Variants in SLC25A25 observed in about 807,000 individuals in gnomAD.
SLC25A25 encodes solute carrier family 25 member 25.
SLC25A25 carries 32 observed loss-of-function variants against 57.7 expected under a neutral mutation model. The observed-to-expected ratio is 0.55, with a 90% confidence interval of 0.42 to 0.74. SLC25A25 has a LOEUF of 0.74. SLC25A25 is among the 30% of genes least tolerant of loss of function. SLC25A25 has a pLI of 0.00. For missense variants in SLC25A25, 556 were observed against 701.3 expected, an observed-to-expected ratio of 0.79 and a Z score of 2.34; for synonymous variants, 306 against 291.2, an observed-to-expected ratio of 1.05 and a Z score of -0.52.
At chr9:128,093,140 A>T (rs1833457806) in intron 1 of SLC25A25, among the ~76,000 whole-genome samples, 1 of 152,200 alleles carries the variant, frequency 6.6e-6, no homozygotes, top group South Asian at 2.1e-4. Context: ...GCTACTAGGG[A>T]CTTTTGATGT....
rs71381725 is a variant in SLC25A25, at chr9:128,076,047, T to TTTTTATTTTA, written c.261+7485_261+7494dup. On this transcript the variant is annotated intron_variant, in intron 1 of 10. Coordinates refer to ENST00000373069, the MANE Select transcript of SLC25A25 (RefSeq NM_001330988.2). The stretch of plus-strand genomic sequence containing the variant: ...ACCTAAGCCACTGTACCCAGCCAAC[T>TTTTTATTTTA]TTTTATTTTATTTTATTTTATTTTA... 3.8e-3 allele frequency among the ~76,000 whole-genome samples: 579 copies of TTTTTATTTTA among 151,598 alleles called. 9 individuals are homozygous for TTTTTATTTTA. The highest frequency in any genetic ancestry group is 0.012 in the African/African-American group (515 of 41,274).
chr9:128,101,050 G>A lies in SLC25A25; in HGVS notation c.262-46G>A. 1 of 1,612,034 alleles carries A rather than the reference G, an allele frequency of 6.2e-7. No individual in the cohort carries two copies. On this transcript the variant is annotated intron_variant, in intron 1 of 10. Transcript: ENST00000373069. This position sits in a 1 kb window ranked among gnomAD's most constrained non-coding sequence, Gnocchi z 4.9. ...TGGGGCCCCACAAGGGACAAGGAAA[G>A]GCTGGTCCAGGAGCCAAAAGACAAA... is the stretch of plus-strand genomic sequence containing the variant.
Position 128,073,370 on chromosome 9 carries a change from C to T in SLC25A25, c.261+4790C>T, listed in dbSNP as rs116515816. 9.6e-3 allele frequency among the ~76,000 whole-genome samples: 1,461 copies of T among 152,300 alleles called. 22 individuals are homozygous for T. The highest frequency in any genetic ancestry group is 0.034 in the African/African-American group (1,399 of 41,586). ...CCCTGTCAAAGAACAAGAATCCGCC[C>T]TCCCCCATTTCTCTCCCTGACCCGA... is the stretch of plus-strand genomic sequence containing the variant. On this transcript the variant is annotated intron_variant, in intron 1 of 10. Coordinates refer to ENST00000373069, the MANE Select transcript of SLC25A25 (RefSeq NM_001330988.2).
chr9:128,102,127 T>A lies in SLC25A25; in HGVS notation c.512+12T>A, dbSNP rs978216768. ...GGCCCTGTCACCTAGTAAGTATCCA[T>A]GTCGCTCATGACTGCCTCCCTTGAC... On this transcript the variant is annotated intron_variant, in intron 4 of 10. Coordinates refer to ENST00000373069, the MANE Select transcript of SLC25A25 (RefSeq NM_001330988.2). This position sits in a 1 kb window ranked among gnomAD's most constrained non-coding sequence, Gnocchi z 4.1. The A allele has an allele frequency of 1.3e-6, 2 of 1,550,618 alleles. No homozygotes were observed. The highest frequency in any genetic ancestry group is 2.7e-5 in the African/African-American group (2 of 73,176).
chr9:128,085,016 C>T (rs1833244696), intron 1 of SLC25A25, among the ~76,000 whole-genome samples: 1 of 152,178 alleles, frequency 6.6e-6, no homozygotes, highest in Admixed American at 6.5e-5. Flanking sequence ...AAATCAAAGA[C>T]GCAAGAAAAA....
chr9:128,086,659 A>G (rs1833283142), intron 1 of SLC25A25, among the ~76,000 whole-genome samples: 1 of 151,450 alleles, frequency 6.6e-6, no homozygotes, highest in South Asian at 2.1e-4. Context: ...TATATTTTCT[A>G]GAGACAGGGT....
chr9:128,100,433 G>A (rs1045600010), intron 1 of SLC25A25, among the ~76,000 whole-genome samples: 3 of 152,136 alleles, frequency 2.0e-5, no homozygotes, highest in African/African-American at 7.2e-5. Flanking sequence ...GTGAGTGAGC[G>A]GGAGAGCCAG....
At chr9:128,106,845 G>A (rs1834060703) in intron 9 of SLC25A25, among the ~76,000 whole-genome samples, 184 bp from the exon 10 acceptor site, 1 of 152,136 alleles carries the variant, frequency 6.6e-6, no homozygotes, top group African/African-American at 2.4e-5. Context: ...GGAAGGAGGT[G>A]TTCCCTCTAC....
rs746317417 is a variant in SLC25A25, at chr9:128,107,475, C to G, written c.*31C>G. 6.6e-7 allele frequency: 1 copy of G among 1,504,652 alleles called. No homozygotes were observed. Among genetic ancestry groups the G allele is most frequent in the South Asian group, 1.4e-5 (1 of 73,300 alleles). The allele number at this position is 1,504,652 out of a possible 1,614,324, so 93.2% of individuals were successfully genotyped here. A position where few individuals can be genotyped will look rare whatever the true frequency, so the allele number is the denominator to read the frequency against. On this transcript the variant is annotated 3_prime_UTR_variant, in exon 11 of 11. Coordinates refer to ENST00000373069, the MANE Select transcript of SLC25A25 (RefSeq NM_001330988.2). ...GGAGGGCCGCCCGGCAGTGGACTCG[C>G]TGATCCTGGGCCGCAGCCTGGGGTG...
chr9:128,077,023 C>T (rs1833030736), intron 1 of SLC25A25, among the ~76,000 whole-genome samples: 1 of 152,096 alleles, frequency 6.6e-6, no homozygotes, highest in African/African-American at 2.4e-5. Flanking sequence ...CCATGTGTAC[C>T]TTCAGGAGCA....
At chr9:128,107,202 C>T (rs1182687928) in intron 10 of SLC25A25, 23 bp downstream of exon 10, 1 of 1,613,280 alleles carries the variant, frequency 6.2e-7, no homozygotes, top group Non-Finnish European at 8.5e-7. Flanking sequence ...CTGGACAGTC[C>T]CCTGGGAGGT....
At chr9:128,078,734 AC>A (rs1833074006) in intron 1 of SLC25A25, among the ~76,000 whole-genome samples, 1 of 152,124 alleles carries the variant, frequency 6.6e-6, no homozygotes, top group South Asian at 2.1e-4. Context: ...TATCTCACTA[AC>A]CAGCATTACT....
chr9:128,097,192 A>C (rs1420265989), intron 1 of SLC25A25, among the ~76,000 whole-genome samples: 1 of 152,224 alleles, frequency 6.6e-6, no homozygotes, highest in African/African-American at 2.4e-5. Context: ...TAGAAGGAAC[A>C]AGGGTGAGAC....
rs370271137 is a variant in SLC25A25 at position 128,107,461 on chromosome 9, C to T, written c.*17C>T. 571 of 1,503,800 alleles carry T rather than the reference C, an allele frequency of 3.8e-4. 2 individuals are homozygous for T. The highest frequency in any genetic ancestry group is 5.7e-4 in the South Asian group (42 of 73,202). 93.2% of individuals were successfully genotyped at this position (1,503,800 alleles called of 1,614,324 possible). A position where few individuals can be genotyped will look rare whatever the true frequency, so the allele number is the denominator to read the frequency against. On this transcript the variant is annotated 3_prime_UTR_variant, in exon 11 of 11. Coordinates refer to ENST00000373069, the MANE Select transcript of SLC25A25 (RefSeq NM_001330988.2). ...TCGCGGTGACGGGGGGAGGGCCGCC[C>T]GGCAGTGGACTCGCTGATCCTGGGC...
chr9:128,106,623 A>G, intron 9 of SLC25A25, 103 bp downstream of exon 9: 1 of 1,365,592 alleles, frequency 7.3e-7, no homozygotes, highest in Non-Finnish European at 9.9e-7. Context: ...AACTGCATCA[A>G]AGACTGCGCC....
At chr9:128,105,703 TCTGA>T in intron 6 of SLC25A25, 22 bp from the exon 7 acceptor site, 2 of 1,611,734 alleles carry the variant, frequency 1.2e-6, no homozygotes, top group Non-Finnish European at 1.7e-6. Context: ...CCCGGGTCCG[TCTGA>T]CTGTTCGGTC....
rs981120950 is a variant in SLC25A25, at chr9:128,108,470, C to T, written c.*1026C>T. 1.3e-5 allele frequency: 5 copies of T among 391,184 alleles called. No homozygotes were observed. Among genetic ancestry groups the T allele is most frequent in the South Asian group, 2.9e-4 (2 of 6,958 alleles). 24.2% of individuals were successfully genotyped at this position (391,184 alleles called of 1,614,324 possible). ...CTGTCCAACCCCAGCAGGGGCGCAGCGGGACCAGCCCCACATTCCACTTGT... is the reference window on the plus strand; with the variant it reads ...CTGTCCAACCCCAGCAGGGGCGCAGTGGGACCAGCCCCACATTCCACTTGT... On this transcript the variant is annotated 3_prime_UTR_variant, in exon 11 of 11. Transcript: ENST00000373069.
chr9:128,098,378 T>A, intron 1 of SLC25A25: 1 of 1,167,146 alleles, frequency 8.6e-7, no homozygotes, highest in Non-Finnish European at 1.1e-6. Flanking sequence ...GGCTCTGTGT[T>A]CATTGGCTGT....
At chr9:128,080,349 CAAAA>C (rs775059465) in intron 1 of SLC25A25, among the ~76,000 whole-genome samples, 7 of 108,658 alleles carry the variant, frequency 6.4e-5, no homozygotes, top group African/African-American at 2.0e-4. Context: ...GACTCCATCC[CAAAA>C]AAAAAAAAAA....
Sources: gnomAD v4.1 joint callset for allele counts (sites outside exome capture counted in the v4.1 genomes callset) on GRCh38, gnomAD v4.1.1 for gene constraint, Gnocchi (gnomAD v3.1) non-coding constraint, MANE v1.5 for transcripts, NCBI Gene and HGNC (gene_info 2026-07-23, HGNC 2026-07-21) for gene names.